Variants in MCTP2 observed in about 807,000 individuals in gnomAD.
MCTP2 encodes the protein multiple C2 and transmembrane domain containing 2, also known as multiple C2 and transmembrane domain-containing protein 2.
MCTP2 carries 132 observed loss-of-function variants against 111.6 expected under a neutral mutation model. The observed-to-expected ratio is 1.18, with a 90% CI of 1.03 to 1.37. MCTP2 has a LOEUF of 1.37. Among genes scored for constraint, MCTP2 ranks in the 40% most tolerant of loss-of-function variants. The probability of loss-of-function intolerance (pLI) is 0.00; values close to 1 mark genes in which losing one functional copy is unlikely to be tolerated. For synonymous variants in MCTP2, 395 were observed against 387.7 expected (o/e 1.02, Z -0.22); for missense variants, 1,183 against 1,067.9 (o/e 1.11, Z -1.50).
At chr15:94,449,814 G>C (rs550479181) in intron 19 of MCTP2, among the ~76,000 whole-genome samples, 3 of 152,164 alleles carry the variant, frequency 2.0e-5, no homozygotes, top group Admixed American at 6.5e-5. Context: ...GAAAACTAAA[G>C]GATTCACACA....
chr15:94,384,710 C>T (rs942320169), intron 13 of MCTP2, among the ~76,000 whole-genome samples: 5 of 152,106 alleles, frequency 3.3e-5, no homozygotes, highest in South Asian at 4.1e-4. Flanking sequence ...ACTGTCCCTA[C>T]GAAGCTAAAT....
At chr15:94,426,392 C>G (rs947426036) in intron 17 of MCTP2, among the ~76,000 whole-genome samples, 2 of 152,096 alleles carry the variant, frequency 1.3e-5, no homozygotes, top group African/African-American at 4.8e-5. Context: ...TTTACCATAT[C>G]TATCTCTACT....
At chr15:94,352,446 A>G (rs1279192873) in intron 8 of MCTP2, among the ~76,000 whole-genome samples, 2 of 152,212 alleles carry the variant, frequency 1.3e-5, no homozygotes, top group African/African-American at 4.8e-5. Context: ...GACAGAGCAG[A>G]TGAATGAATC....
chr15:94,271,234 T>G (rs1025215604), intron 1 of MCTP2, among the ~76,000 whole-genome samples: 1 of 152,192 alleles, frequency 6.6e-6, no homozygotes, highest in African/African-American at 2.4e-5. Context: ...TCTAAACAAT[T>G]TTGATAAGCT....
chr15:94,422,486 C>A (rs997101862), intron 17 of MCTP2, among the ~76,000 whole-genome samples: 1 of 152,210 alleles, frequency 6.6e-6, no homozygotes, highest in African/African-American at 2.4e-5. Context: ...CAAAAGCGAT[C>A]TTGCCCTTTC....
At chr15:94,461,963 A>G (rs1488746649) in intron 20 of MCTP2, among the ~76,000 whole-genome samples, 6 of 152,236 alleles carry the variant, frequency 3.9e-5, no homozygotes, top group African/African-American at 1.4e-4. Context: ...GTGTGAGGAA[A>G]GCAAACACAG....
intron 2 of MCTP2, among the ~76,000 whole-genome samples, chr15:94,302,878 T>G (rs1468863377): frequency 6.6e-6 from 1 of 151,818 alleles, no homozygotes; most frequent in African/African-American, 2.4e-5. Context: ...CGGGGCAAAT[T>G]ACAAAAGAAA....
chr15:94,319,843 CAT>C (rs1487920776), intron 4 of MCTP2, among the ~76,000 whole-genome samples: 2 of 152,148 alleles, frequency 1.3e-5, no homozygotes, highest in Non-Finnish European at 2.9e-5. Flanking sequence ...CTAACTATAA[CAT>C]GTTTTTGGCT....
At chr15:94,446,765 G>A (rs1450855995) in intron 19 of MCTP2, among the ~76,000 whole-genome samples, 34 of 152,166 alleles carry the variant, frequency 2.2e-4, no homozygotes, top group Admixed American at 2.2e-3. Flanking sequence ...TGCATTGTGG[G>A]TTGGTTTGTT....
At chr15:94,443,709 T>C (rs2083923016) in intron 19 of MCTP2, among the ~76,000 whole-genome samples, 1 of 152,076 alleles carries the variant, frequency 6.6e-6, no homozygotes, top group Non-Finnish European at 1.5e-5. Flanking sequence ...TTAGAATTAA[T>C]TGAGTGGACC....
intron 8 of MCTP2, among the ~76,000 whole-genome samples, chr15:94,346,959 A>G (rs1457770190): frequency 1.3e-5 from 2 of 152,072 alleles, no homozygotes; most frequent in Admixed American, 6.5e-5. Context: ...ACTTCAGTGC[A>G]CTGGGCTCAG....
At chr15:94,452,988 A>AGAT (rs2084562564) in intron 19 of MCTP2, among the ~76,000 whole-genome samples, 1 of 152,354 alleles carries the variant, frequency 6.6e-6, no homozygotes, top group African/African-American at 2.4e-5. Context: ...CCTGTCTAGA[A>AGAT]GATACTCTGG....
At chr15:94,288,787 A>C (rs1410055315) in intron 1 of MCTP2, among the ~76,000 whole-genome samples, 2 of 152,206 alleles carry the variant, frequency 1.3e-5, no homozygotes, top group Non-Finnish European at 1.5e-5. Context: ...AAAAGATAGA[A>C]ACTATAAGCG....
chr15:94,465,940 T>A (rs1198418144), intron 20 of MCTP2, among the ~76,000 whole-genome samples: 2 of 152,168 alleles, frequency 1.3e-5, no homozygotes, highest in Non-Finnish European at 2.9e-5. Context: ...TCCACATCTC[T>A]TTGATATCTG....
At chr15:94,307,033 G>A (rs1230880600) in intron 2 of MCTP2, among the ~76,000 whole-genome samples, 1 of 152,162 alleles carries the variant, frequency 6.6e-6, no homozygotes, top group South Asian at 2.1e-4. Context: ...AGAGAGGCAG[G>A]TGTGTCAGCT....
At chr15:94,244,226 A>G (rs2071499810) in intron 1 of MCTP2, among the ~76,000 whole-genome samples, 1 of 135,270 alleles carries the variant, frequency 7.4e-6, no homozygotes, top group African/African-American at 2.7e-5. Flanking sequence ...ATATGTGTAT[A>G]TATTTATATA....
At chr15:94,300,189 C>T (rs188581426) in intron 2 of MCTP2, among the ~76,000 whole-genome samples, 52 of 151,790 alleles carry the variant, frequency 3.4e-4, no homozygotes, top group African/African-American at 1.2e-3. Context: ...TTTTTTGAAG[C>T]GACTGCTGTT....
intron 1 of MCTP2, among the ~76,000 whole-genome samples, chr15:94,244,333 TATACAC>T (rs1247441676): frequency 6.7e-6 from 1 of 149,248 alleles, no homozygotes; most frequent in Non-Finnish European, 1.5e-5. Context: ...CACATGTATA[TATACAC>T]GTATACGTAT....
intron 17 of MCTP2, among the ~76,000 whole-genome samples, chr15:94,406,324 A>C (rs1037752136): frequency 3.9e-5 from 6 of 152,200 alleles, no homozygotes; most frequent in Non-Finnish European, 8.8e-5. Context: ...TAGAGGTGGA[A>C]TTGAAACCCA....
Sources: allele counts gnomAD v4.1 joint callset (sites outside exome capture counted in the v4.1 genomes callset), GRCh38; gene constraint gnomAD v4.1.1; transcripts MANE v1.5; gene names NCBI Gene and HGNC (gene_info 2026-07-23, HGNC 2026-07-21).